Variants in MBNL2 observed in about 807,000 individuals in gnomAD.
MBNL2 encodes the protein muscleblind-like protein 2.
In MBNL2, 17 loss-of-function variants were observed where a neutral mutation model predicts 41.9. The ratio of observed to expected loss-of-function variants is 0.41; its 90% CI spans 0.28 to 0.61. MBNL2 has a LOEUF of 0.61. MBNL2 is among the 20% of genes least tolerant of loss of function. The probability of loss-of-function intolerance (pLI) is 0.35; values close to 1 mark genes in which losing one functional copy is unlikely to be tolerated. For missense variants in MBNL2, 336 were observed against 505.6 expected (o/e 0.66, Z 3.22); for synonymous variants, 195 against 182.9 (o/e 1.07, Z -0.53).
chr13:97,280,525 C>T lies in MBNL2; in HGVS notation c.174+4116C>T, dbSNP rs531419681. The stretch of plus-strand genomic sequence containing the variant: ...TAATAAAAATTCATTTCAAGTACAG[C>T]GAGATCCTTTTTAACACCTGCATCA... On this transcript the variant is annotated intron_variant, in intron 2 of 8. Transcript: ENST00000679496. Among the ~76,000 whole-genome samples, 31 of 152,278 alleles carry T rather than the reference C, an allele frequency of 2.0e-4. No individual in the cohort carries two copies. The South Asian group carries it at 5.8e-3, about 29-fold the overall frequency.
In MBNL2 at chr13:97,391,330, G is replaced by A; in HGVS notation, c.1057G>A (p.Glu353Lys). Residue 353 changes from glutamate (E) to lysine (K), a missense_variant, in exon 9 of 9, where the codon GAA becomes AAA. By Grantham distance (56) the Glu-to-Lys change is moderately conservative. Coordinates refer to ENST00000679496, the MANE Select transcript of MBNL2 (RefSeq NM_001382683.1). Reference sequence around the variant, plus strand: ...GTCTTTCTCTTTAACAGATAATTCTGAAATAATCAGCAGAAACGGAATGGA... The same window carrying A: ...GTCTTTCTCTTTAACAGATAATTCTAAAATAATCAGCAGAAACGGAATGGA... The part of the protein sequence containing the change: ...MTPATSIDNS[E>K]IISRNGMECQ... 9 of 1,450,158 alleles carry A rather than the reference G, an allele frequency of 6.2e-6. No individual in the cohort carries two copies. Among genetic ancestry groups the A allele is most frequent in the Non-Finnish European group, 8.7e-6 (9 of 1,031,540 alleles). 89.8% of individuals were successfully genotyped at this position (1,450,158 alleles called of 1,614,324 possible). A position where few individuals can be genotyped will look rare whatever the true frequency, so the allele number is the denominator to read the frequency against.
chr13:97,219,361 C>T (rs180900673), upstream of MBNL2, among the ~76,000 whole-genome samples: 268 of 152,264 alleles, frequency 1.8e-3, no homozygotes, highest in African/African-American at 6.1e-3. Context: ...ATGTTGAGGG[C>T]TTTTATCTTT....
the MBNL2 span, among the ~76,000 whole-genome samples, chr13:97,190,678 A>C: frequency 6.6e-6 from 1 of 152,236 alleles, no homozygotes; most frequent in African/African-American, 2.4e-5. Flanking sequence ...TCTTTTGCAT[A>C]GTCAAGGAGG....
chr13:97,323,376 C>T (rs187436259), intron 2 of MBNL2, among the ~76,000 whole-genome samples: 2 of 152,280 alleles, frequency 1.3e-5, no homozygotes, highest in Admixed American at 1.3e-4. Context: ...CCTCAGTATT[C>T]GTGGATTCAA....
the MBNL2 span, among the ~76,000 whole-genome samples, chr13:97,208,400 C>A: frequency 6.6e-6 from 1 of 152,226 alleles, no homozygotes; most frequent in Non-Finnish European, 1.5e-5. Flanking sequence ...CAACATACCT[C>A]TGATTCCTTT....
the MBNL2 span, among the ~76,000 whole-genome samples, chr13:97,171,016 A>T: frequency 6.6e-6 from 1 of 152,220 alleles, no homozygotes; most frequent in Non-Finnish European, 1.5e-5. Context: ...TAATTTTTGC[A>T]AAGGCAGTTT....
the MBNL2 span, among the ~76,000 whole-genome samples, chr13:97,186,738 A>T: frequency 1.3e-5 from 2 of 152,200 alleles, no homozygotes; most frequent in African/African-American, 2.4e-5. Flanking sequence ...TTAGGTTAGT[A>T]TTACAGAAAG....
At chr13:97,387,291 G>A (rs756868900) in intron 8 of MBNL2, among the ~76,000 whole-genome samples, 9 of 152,054 alleles carry the variant, frequency 5.9e-5, no homozygotes, top group African/African-American at 1.7e-4. Flanking sequence ...ACTGTGGTGC[G>A]GTAGGGTGTT....
At chr13:97,232,046 A>G (rs1216536846) in intron 1 of MBNL2, among the ~76,000 whole-genome samples, 2 of 152,140 alleles carry the variant, frequency 1.3e-5, no homozygotes, top group African/African-American at 2.4e-5. Context: ...TGCCATTAAC[A>G]TCGCATTTAT....
chr13:97,260,053 T>C (rs936374623), intron 1 of MBNL2, among the ~76,000 whole-genome samples: 14 of 152,120 alleles, frequency 9.2e-5, no homozygotes, highest in Non-Finnish European at 2.1e-4. Flanking sequence ...CAAGTATGCA[T>C]GTGAGTGTTA....
chr13:97,321,456 TTA>T (rs2059496746), intron 2 of MBNL2, among the ~76,000 whole-genome samples: 1 of 152,166 alleles, frequency 6.6e-6, no homozygotes, highest in Non-Finnish European at 1.5e-5. Flanking sequence ...ATCGAGTGCA[TTA>T]TCATGCAAAG....
intron 1 of MBNL2, among the ~76,000 whole-genome samples, chr13:97,246,908 T>A (rs1353360422): frequency 1.3e-5 from 2 of 152,152 alleles, no homozygotes; most frequent in African/African-American, 4.8e-5. Flanking sequence ...ACAAAGGCAA[T>A]CATGAATCTG....
intron 1 of MBNL2, among the ~76,000 whole-genome samples, chr13:97,234,760 G>A (rs996955330): frequency 6.6e-6 from 1 of 152,148 alleles, no homozygotes; most frequent in South Asian, 2.1e-4. Flanking sequence ...TAACACACTC[G>A]GGCAGTGTTT....
chr13:97,162,183 G>T, the MBNL2 span, among the ~76,000 whole-genome samples: 3 of 152,066 alleles, frequency 2.0e-5, no homozygotes, highest in African/African-American at 7.2e-5. Context: ...GGAGAAATGC[G>T]CCCCTAAGAG....
the MBNL2 span, among the ~76,000 whole-genome samples, chr13:97,182,201 C>T: frequency 4.6e-5 from 7 of 152,110 alleles, no homozygotes; most frequent in African/African-American, 1.7e-4. Context: ...TGCTGCCTTG[C>T]AATACCTTAT....
chr13:97,161,992 G>A, the MBNL2 span, among the ~76,000 whole-genome samples: 15,507 of 152,148 alleles, frequency 0.1, 885 homozygotes, highest in South Asian at 0.16. Context: ...TAATTGGCTC[G>A]TGGTTCCACA....
chr13:97,154,408 G>A, the MBNL2 span, among the ~76,000 whole-genome samples: 50 of 152,122 alleles, frequency 3.3e-4, no homozygotes, highest in African/African-American at 1.1e-3. Flanking sequence ...TCCACCTCTC[G>A]GATTCAAGCA....
intron 8 of MBNL2, among the ~76,000 whole-genome samples, chr13:97,386,355 T>C (rs913834522): frequency 1.3e-5 from 2 of 152,238 alleles, no homozygotes; most frequent in African/African-American, 4.8e-5. Flanking sequence ...ATATGATCCT[T>C]CTGTGATGTG....
At chr13:97,270,116 G>A (rs1462402071) in intron 1 of MBNL2, among the ~76,000 whole-genome samples, 1 of 152,174 alleles carries the variant, frequency 6.6e-6, no homozygotes, top group Non-Finnish European at 1.5e-5. Context: ...AAGGCTGGAA[G>A]CTAGTTCTTA....
Sources: allele counts gnomAD v4.1 joint callset (sites outside exome capture counted in the v4.1 genomes callset), GRCh38; gene constraint gnomAD v4.1.1; transcripts MANE v1.5; gene names NCBI Gene and HGNC (gene_info 2026-07-23, HGNC 2026-07-21).